The following ME3 variants were observed in gnomAD, a reference collection of about 807,000 sequenced individuals.
The protein encoded by ME3 is NADP-dependent malic enzyme, mitochondrial.
Under a neutral mutation model 68.9 loss-of-function variants are expected in ME3, and 48 were observed. The ratio of observed to expected loss-of-function variants is 0.70; its 90% CI spans 0.55 to 0.89. ME3 has a LOEUF of 0.89. Among genes scored for constraint, ME3 ranks in the 40% least tolerant of loss-of-function variants. The pLI is 0.00. For missense variants in ME3, 675 were observed against 797.4 expected (o/e 0.85, Z 1.85); for synonymous variants, 320 against 318.8 (o/e 1.00, Z -0.04).
At chr11:86,662,308 G>C (rs568449667) in intron 2 of ME3, among the ~76,000 whole-genome samples, 1 of 152,156 alleles carries the variant, frequency 6.6e-6, no homozygotes, top group African/African-American at 2.4e-5. Context: ...CTTATGCCTC[G>C]GTTTTCTCAT....
chr11:86,598,725 C>T (rs964038737), intron 2 of ME3, among the ~76,000 whole-genome samples: 1 of 152,176 alleles, frequency 6.6e-6, no homozygotes, highest in African/African-American at 2.4e-5. Context: ...TAACACCTCA[C>T]GCGGCCAGGT....
At chr11:86,580,987 C>T (rs1958411398) in intron 2 of ME3, among the ~76,000 whole-genome samples, 1 of 152,160 alleles carries the variant, frequency 6.6e-6, no homozygotes, top group South Asian at 2.1e-4. Context: ...CATACAACAA[C>T]ATTTAAGTGT....
intron 8 of ME3, among the ~76,000 whole-genome samples, chr11:86,461,744 C>A (rs1399927792): frequency 2.0e-5 from 3 of 152,216 alleles, no homozygotes. Flanking sequence ...GAAGGAGGAT[C>A]TGGGTGGCGC....
chr11:86,463,457 C>G (rs113710081), intron 8 of ME3, among the ~76,000 whole-genome samples: 1 of 152,346 alleles, frequency 6.6e-6, no homozygotes, highest in Admixed American at 6.5e-5. Flanking sequence ...TGCTTCCCCC[C>G]ACCAGCGCAT....
chr11:86,579,896 T>C (rs1208368563), intron 2 of ME3, among the ~76,000 whole-genome samples: 1 of 152,200 alleles, frequency 6.6e-6, no homozygotes, highest in African/African-American at 2.4e-5. Context: ...CCATTTTTTA[T>C]TAGACTTATA....
intron 2 of ME3, among the ~76,000 whole-genome samples, chr11:86,583,387 T>A (rs191978588): frequency 1.3e-5 from 2 of 152,330 alleles, no homozygotes; most frequent in Admixed American, 1.3e-4. Flanking sequence ...ATGTAGTGAT[T>A]TGTCATTCAA....
intron 5 of ME3, among the ~76,000 whole-genome samples, chr11:86,498,866 C>T (rs566509756): frequency 1.2e-4 from 19 of 152,200 alleles, no homozygotes; most frequent in African/African-American, 4.6e-4. Flanking sequence ...TTATGAAGCA[C>T]CTACTTTGCA....
At chr11:86,599,094 G>A (rs1960120359) in intron 2 of ME3, among the ~76,000 whole-genome samples, 1 of 152,230 alleles carries the variant, frequency 6.6e-6, no homozygotes, top group Non-Finnish European at 1.5e-5. Context: ...GAACAAAGCT[G>A]GACGGAGAAT....
chr11:86,645,455 G>C (rs1047501229), intron 2 of ME3, among the ~76,000 whole-genome samples: 1 of 152,162 alleles, frequency 6.6e-6, no homozygotes, highest in East Asian at 1.9e-4. Context: ...AGGAAGTTTG[G>C]ACTGTGCGGA....
At chr11:86,445,519 T>TA (rs1949235763) in intron 13 of ME3, among the ~76,000 whole-genome samples, 1 of 152,244 alleles carries the variant, frequency 6.6e-6, no homozygotes, top group Admixed American at 6.5e-5. Context: ...TGGAGCTTGT[T>TA]ACGTGTAAAT....
At chr11:86,454,619 T>C in intron 8 of ME3, among the ~76,000 whole-genome samples, 1 of 152,174 alleles carries the variant, frequency 6.6e-6, no homozygotes, top group Admixed American at 6.5e-5. Context: ...ATTTTACAGA[T>C]TGGGAAAATA....
chr11:86,503,222 A>G (rs1208476429), intron 5 of ME3, among the ~76,000 whole-genome samples: 6 of 152,238 alleles, frequency 3.9e-5, no homozygotes, highest in East Asian at 3.8e-4. Context: ...TGAAAATCCA[A>G]TGAGTTAATC....
At chr11:86,486,154 G>A (rs941729992) in intron 7 of ME3, among the ~76,000 whole-genome samples, 1 of 152,112 alleles carries the variant, frequency 6.6e-6, no homozygotes, top group African/African-American at 2.4e-5. Flanking sequence ...ATGATTTTCT[G>A]TGCTCCAAGA....
intron 4 of ME3, among the ~76,000 whole-genome samples, chr11:86,509,713 A>G (rs539905833): frequency 6.6e-5 from 10 of 151,552 alleles, no homozygotes; most frequent in African/African-American, 1.5e-4. Context: ...ATCTACCCAA[A>G]TTATTGGCTG....
At position 86,465,086 on chromosome 11, in the gene ME3, C is replaced by T. The variant is rs772738946; in HGVS notation, c.919+5G>A. On this transcript the variant is annotated splice_donor_5th_base_variant and intron_variant, in intron 8 of 14. Transcript: ENST00000543262. The stretch of plus-strand genomic sequence containing the variant: ...GTAGCTTCATCAGGTGGGGTGGAAA[C>T]CTACCTTGGATGTCATCATTGAACA... The T allele has an allele frequency of 8.7e-6, 14 of 1,606,708 alleles. No homozygotes were observed. Among genetic ancestry groups the T allele is most frequent in the Admixed American group, 6.7e-5 (4 of 59,966 alleles).
In ME3 at chr11:86,652,531, G is replaced by A. The variant is rs889476917; in HGVS notation, c.183+19231C>T. 2.0e-5 allele frequency among the ~76,000 whole-genome samples: 3 copies of A among 152,082 alleles called. No individual in the cohort carries two copies. The South Asian group carries it at 6.2e-4, about 32-fold the overall frequency. ...TGAAGGAGAAATAAAATACTTGAGA[G>A]ACAAGCAAATGCTGAGAGATTTTGT... On this transcript the variant is annotated intron_variant, in intron 2 of 14. Transcript: ENST00000543262.
chr11:86,555,050 AC>A (rs1956862379), intron 4 of ME3, among the ~76,000 whole-genome samples: 1 of 152,130 alleles, frequency 6.6e-6, no homozygotes, highest in Non-Finnish European at 1.5e-5. Context: ...TTGAAGGATA[AC>A]CAGAATTGTG....
intron 2 of ME3, among the ~76,000 whole-genome samples, chr11:86,603,567 C>T (rs1189584697): frequency 2.6e-5 from 4 of 152,150 alleles, no homozygotes; most frequent in Admixed American, 6.6e-5. Context: ...ACTAGAAATA[C>T]CATTTGACCC....
intron 2 of ME3, among the ~76,000 whole-genome samples, chr11:86,635,716 T>C (rs1264159024): frequency 6.6e-6 from 1 of 152,232 alleles, no homozygotes; most frequent in Non-Finnish European, 1.5e-5. Flanking sequence ...ACTTCCCAGC[T>C]CCAGAGCTGT....
Sources: allele counts gnomAD v4.1 joint callset (sites outside exome capture counted in the v4.1 genomes callset), GRCh38; gene constraint gnomAD v4.1.1; transcripts MANE v1.5; gene names NCBI Gene and HGNC (gene_info 2026-07-23, HGNC 2026-07-21).